RAB3C: variants seen among roughly 807,000 people sequenced by gnomAD.
RAB3C encodes ras-related protein Rab-3C.
RAB3C carries 17 observed loss-of-function variants against 26.4 expected under a neutral mutation model. The ratio of observed to expected loss-of-function variants is 0.64; its 90% confidence interval spans 0.44 to 0.97. The LOEUF (loss-of-function observed/expected upper bound fraction) is 0.97, where lower values mean the gene tolerates loss of function less well. Ranked by LOEUF, RAB3C falls within the 50% of genes least tolerant of loss-of-function variation. The probability of loss-of-function intolerance (pLI) is 0.00; values close to 1 mark genes in which losing one functional copy is unlikely to be tolerated. For synonymous variants in RAB3C, 91 were observed against 95.9 expected (o/e 0.95, Z 0.30); for missense variants, 242 against 281.9 (o/e 0.86, Z 1.01).
chr5:58,746,918 A>G (rs528072040), intron 3 of RAB3C, among the ~76,000 whole-genome samples: 1 of 152,342 alleles, frequency 6.6e-6, no homozygotes, highest in African/African-American at 2.4e-5. Context: ...CTTGATAGCT[A>G]AGTTGTCCAT....
intron 2 of RAB3C, among the ~76,000 whole-genome samples, chr5:58,710,944 C>T (rs540015311): frequency 3.9e-5 from 6 of 152,238 alleles, no homozygotes; most frequent in East Asian, 1.9e-4. Context: ...ATGTGAGATG[C>T]GGGAATCTGC....
At chr5:58,609,151 G>A (rs547092529) in intron 1 of RAB3C, among the ~76,000 whole-genome samples, 15 of 152,102 alleles carry the variant, frequency 9.9e-5, no homozygotes, top group Admixed American at 2.0e-4. Flanking sequence ...TAACAAACCC[G>A]CATGTTGTGC....
At chr5:58,664,842 C>G (rs1747972555) in intron 2 of RAB3C, among the ~76,000 whole-genome samples, 1 of 152,058 alleles carries the variant, frequency 6.6e-6, no homozygotes, top group African/African-American at 2.4e-5. Flanking sequence ...CTCCTGACGT[C>G]CCTTCCCAGC....
At position 58,854,116 on chromosome 5, in the gene RAB3C, C is replaced by G. The variant is rs1273670074; in HGVS notation, c.*2765C>G. The G allele has an allele frequency of 2.0e-5, 3 of 151,078 alleles. No individual in the cohort carries two copies. Among genetic ancestry groups the G allele is most frequent in the African/African-American group, 7.3e-5 (3 of 41,080 alleles). The allele number at this position is 151,078 out of a possible 1,614,324, so 9.4% of individuals were successfully genotyped here. A position where few individuals can be genotyped will look rare whatever the true frequency, so the allele number is the denominator to read the frequency against. On this transcript the variant is annotated 3_prime_UTR_variant, in exon 5 of 5. Transcript: ENST00000282878. ...AATAGTCTAAATACATAAATAAATG[C>G]AGGTCATTTTTATCAATGGCCTAAC...
intron 2 of RAB3C, among the ~76,000 whole-genome samples, chr5:58,646,977 A>C (rs563449415): frequency 1.5e-4 from 23 of 152,354 alleles, no homozygotes; most frequent in African/African-American, 5.5e-4. Flanking sequence ...TGGAATTATT[A>C]GTTCTAGGTC....
chr5:58,662,355 T>G (rs1463785773), intron 2 of RAB3C, among the ~76,000 whole-genome samples: 1 of 150,206 alleles, frequency 6.7e-6, no homozygotes, highest in Non-Finnish European at 1.5e-5. Flanking sequence ...TTCATGCTGA[T>G]TCCTTTCACA....
rs529720438 is a variant in RAB3C, at chr5:58,853,357, A to G, written c.*2006A>G. 2 of 152,330 alleles carry G rather than the reference A, an allele frequency of 1.3e-5. No individual in the cohort carries two copies. Among genetic ancestry groups the G allele is most frequent in the East Asian group, 3.9e-4 (2 of 5,188 alleles). 9.4% of individuals were successfully genotyped at this position (152,330 alleles called of 1,614,324 possible). A position where few individuals can be genotyped will look rare whatever the true frequency, so the allele number is the denominator to read the frequency against. ...AAGCTCACTTTTACAATCTAAAAGG[A>G]ACTAATAAAGCCAGGAAACCCTTCT... On this transcript the variant is annotated 3_prime_UTR_variant, in exon 5 of 5. Coordinates refer to ENST00000282878, the MANE Select transcript of RAB3C (RefSeq NM_138453.4).
intron 2 of RAB3C, among the ~76,000 whole-genome samples, chr5:58,668,904 G>T (rs1748054511): frequency 6.6e-6 from 1 of 152,102 alleles, no homozygotes; most frequent in Non-Finnish European, 1.5e-5. Context: ...AGTTCTAGGG[G>T]CTTGGAAGTC....
intron 4 of RAB3C, among the ~76,000 whole-genome samples, chr5:58,826,546 C>T (rs1743486112): frequency 6.6e-6 from 1 of 152,062 alleles, no homozygotes; most frequent in African/African-American, 2.4e-5. Flanking sequence ...AAGAGTTTGA[C>T]TTTTAACCTT....
intron 4 of RAB3C, among the ~76,000 whole-genome samples, chr5:58,839,109 GT>G (rs1035493922): frequency 3.3e-5 from 5 of 151,046 alleles, no homozygotes; most frequent in Non-Finnish European, 7.4e-5. Flanking sequence ...AATGAAGTGA[GT>G]TTTTTGTAGG....
At chr5:58,812,928 G>T (rs1274353301) in intron 3 of RAB3C, among the ~76,000 whole-genome samples, 1 of 152,258 alleles carries the variant, frequency 6.6e-6, no homozygotes, top group African/African-American at 2.4e-5. Flanking sequence ...TCCTCTCATA[G>T]AAGAGGAAGC....
At chr5:58,753,282 T>C (rs1178311535) in intron 3 of RAB3C, among the ~76,000 whole-genome samples, 1 of 152,182 alleles carries the variant, frequency 6.6e-6, no homozygotes, top group Non-Finnish European at 1.5e-5. Flanking sequence ...GAATTAACTT[T>C]CTCTGACCCC....
intron 4 of RAB3C, among the ~76,000 whole-genome samples, chr5:58,830,235 A>T (rs1743583199): frequency 6.6e-6 from 1 of 152,244 alleles, no homozygotes; most frequent in Middle Eastern, 3.2e-3. Flanking sequence ...AAGACAAATG[A>T]AAAAGGATAT....
intron 2 of RAB3C, among the ~76,000 whole-genome samples, chr5:58,674,164 T>C (rs1259944378): frequency 6.6e-6 from 1 of 152,126 alleles, no homozygotes; most frequent in African/African-American, 2.4e-5. Context: ...GAGATCAGAA[T>C]TGAAAGTGAG....
intron 2 of RAB3C, among the ~76,000 whole-genome samples, chr5:58,700,735 T>C (rs1265866535): frequency 1.3e-5 from 2 of 152,234 alleles, no homozygotes; most frequent in Non-Finnish European, 2.9e-5. Context: ...ATATAAAATA[T>C]GTAACATGTA....
chr5:58,788,111 C>T (rs1054021167), intron 3 of RAB3C, among the ~76,000 whole-genome samples: 13 of 152,234 alleles, frequency 8.5e-5, no homozygotes, highest in African/African-American at 2.9e-4. Context: ...ACCAAGCCTG[C>T]TATTAGCAGT....
intron 2 of RAB3C, among the ~76,000 whole-genome samples, chr5:58,651,452 A>T (rs899849643): frequency 6.6e-6 from 1 of 152,200 alleles, no homozygotes; most frequent in Admixed American, 6.5e-5. Context: ...GAGATAATAC[A>T]TTAGCATGAA....
chr5:58,582,507 C>A, upstream of RAB3C: 1 of 668,420 alleles, frequency 1.5e-6, no homozygotes, highest in Non-Finnish European at 1.9e-6. Flanking sequence ...ACTATGTACG[C>A]GCGCGCGACT....
At chr5:58,817,807 GATTAA>G (rs1398048648) in intron 3 of RAB3C, among the ~76,000 whole-genome samples, 1 of 151,436 alleles carries the variant, frequency 6.6e-6, no homozygotes, top group African/African-American at 2.4e-5. Context: ...ATAAATAAAT[GATTAA>G]ATTAAGTGAA....
Sources: gnomAD v4.1 joint callset for allele counts (sites outside exome capture counted in the v4.1 genomes callset) on GRCh38, gnomAD v4.1.1 for gene constraint, MANE v1.5 for transcripts, NCBI Gene and HGNC (gene_info 2026-07-23, HGNC 2026-07-21) for gene names.